Variants in METTL14 observed in about 807,000 individuals in gnomAD.
METTL14 encodes N(6)-adenosine-methyltransferase non-catalytic subunit METTL14.
METTL14 carries 32 observed loss-of-function variants against 62.4 expected under a neutral mutation model. The observed-to-expected ratio is 0.51, with a 90% CI of 0.39 to 0.69. The LOEUF is 0.69. Among genes scored for constraint, METTL14 ranks in the 30% least tolerant of loss-of-function variants. The pLI, the probability that METTL14 is intolerant of heterozygous loss-of-function variation, is 0.00. For synonymous variants in METTL14, 150 were observed against 180.0 expected (o/e 0.83, Z 1.34); for missense variants, 340 against 551.9 (o/e 0.62, Z 3.85).
chr4:118,689,290 A>G (rs1724169901), intron 2 of METTL14, 80 bp from the exon 3 acceptor site: 3 of 702,094 alleles, frequency 4.3e-6, no homozygotes, highest in Non-Finnish European at 4.5e-6. Context: ...TTCTGTTTTT[A>G]TAACCTGTTT....
intron 6 of METTL14, among the ~76,000 whole-genome samples, chr4:118,696,463 T>C (rs1360747289): frequency 6.6e-6 from 1 of 152,036 alleles, no homozygotes; most frequent in Non-Finnish European, 1.5e-5. Flanking sequence ...GCCCAGGAGT[T>C]TGAGATTGTA....
intron 7 of METTL14, 45 bp from the exon 8 acceptor site, chr4:118,700,504 TG>T: frequency 6.8e-7 from 1 of 1,465,530 alleles, no homozygotes; most frequent in South Asian, 1.1e-5. Flanking sequence ...TTAGGATGAA[TG>T]GGAAACAAAA....
In METTL14 at chr4:118,689,641, T is replaced by C. The variant is rs189276939; in HGVS notation, c.243+184T>C. 1.3e-4 allele frequency among the ~76,000 whole-genome samples: 19 copies of C among 147,976 alleles called. No homozygotes were observed. The East Asian group carries it at 3.8e-3, about 30-fold the overall frequency. On this transcript the variant is annotated intron_variant, in intron 3 of 10. Transcript: ENST00000388822. ...TATCAGTTTTCTTATCTTTTTCTTT[T>C]CTTTTCCTTTTTTTTTTTTTGTGAC... is the stretch of plus-strand genomic sequence containing the variant.
intron 10 of METTL14, among the ~76,000 whole-genome samples, chr4:118,706,514 T>C (rs1724759838): frequency 6.6e-6 from 1 of 152,222 alleles, no homozygotes; most frequent in Admixed American, 6.5e-5. Flanking sequence ...CTTCCAAGTT[T>C]TGGCAATTAT....
chr4:118,687,252 G>A (rs1724095606), intron 1 of METTL14, among the ~76,000 whole-genome samples: 1 of 152,146 alleles, frequency 6.6e-6, no homozygotes, highest in Non-Finnish European at 1.5e-5. Context: ...GGTTGAGCAT[G>A]CCAAATACCA....
At chr4:118,701,574 CTT>C (rs1253765190) in intron 8 of METTL14, among the ~76,000 whole-genome samples, 1 of 152,140 alleles carries the variant, frequency 6.6e-6, no homozygotes, top group African/African-American at 2.4e-5. Context: ...TATCAGGAGT[CTT>C]AATTTTGCTC....
At chr4:118,699,940 A>T (rs1449884406) in intron 7 of METTL14, among the ~76,000 whole-genome samples, 1 of 152,166 alleles carries the variant, frequency 6.6e-6, no homozygotes, top group Non-Finnish European at 1.5e-5. Context: ...TTTTCATGTT[A>T]GAGAGTCGGT....
intron 2 of METTL14, among the ~76,000 whole-genome samples, chr4:118,688,911 A>G (rs905059126): frequency 1.3e-5 from 2 of 152,028 alleles, no homozygotes; most frequent in Non-Finnish European, 2.9e-5. Flanking sequence ...TGACTTTTTG[A>G]TCCGCCTGCC....
intron 1 of METTL14, among the ~76,000 whole-genome samples, chr4:118,686,082 A>G (rs2110462727): frequency 6.6e-6 from 1 of 152,302 alleles, no homozygotes; most frequent in East Asian, 1.9e-4. Flanking sequence ...TCTGCATCTT[A>G]TATAGAGTAT....
rs1398539486 is a variant in METTL14, at chr4:118,711,181, T to C, written c.*879T>C. On this transcript the variant is annotated 3_prime_UTR_variant, in exon 11 of 11. Coordinates refer to ENST00000388822, the MANE Select transcript of METTL14 (RefSeq NM_020961.4). ...GAAATGACATACACCTTTAAACTTG[T>C]TATGGAGATAGTTTAATGTAAAACC... The C allele has an allele frequency of 6.6e-6, 1 of 152,190 alleles. No homozygotes were observed. Among genetic ancestry groups the C allele is most frequent in the Non-Finnish European group, 1.5e-5 (1 of 68,036 alleles). 9.4% of individuals were successfully genotyped at this position (152,190 alleles called of 1,614,324 possible). A position where few individuals can be genotyped will look rare whatever the true frequency, so the allele number is the denominator to read the frequency against.
rs1172576457 is a variant in METTL14, at chr4:118,687,944, A to C, written c.88A>C (p.Ser30Arg). Residue 30 changes from serine (S) to arginine (R), a missense_variant, in exon 2 of 11, where the codon AGC becomes CGC. Ser to Arg is a moderately radical substitution (Grantham distance 110). Transcript: ENST00000388822. Reference protein sequence around the residue: ...AQQLGAESADSIGAVLNSKDE... With the variant: ...AQQLGAESADRIGAVLNSKDE... Reference sequence around the variant, plus strand: ...TCAGTTGGGAGCTGAAAGTGCCGACAGCATTGGTGCCGTGTTAAATAGCAA... The same window carrying C: ...TCAGTTGGGAGCTGAAAGTGCCGACCGCATTGGTGCCGTGTTAAATAGCAA... The C allele has an allele frequency of 3.2e-5, 52 of 1,613,900 alleles. No homozygotes were observed. Among genetic ancestry groups the C allele is most frequent in the Non-Finnish European group, 4.4e-5 (52 of 1,179,998 alleles).
chr4:118,686,409 TCTA>T (rs1724061321), intron 1 of METTL14: 1 of 321,970 alleles, frequency 3.1e-6, no homozygotes, highest in Admixed American at 4.1e-5. Context: ...TATTTTCCAT[TCTA>T]CTATTCAGAT....
At position 118,714,847 on chromosome 4, in the gene METTL14, A is replaced by C. The variant is rs1344520028; in HGVS notation, c.*4545A>C. On this transcript the variant is annotated 3_prime_UTR_variant, in exon 11 of 11. Transcript: ENST00000388822. The stretch of plus-strand genomic sequence containing the variant: ...ACTGATCCACCCACCCTGGCCTCCC[A>C]AAGTGTCAGGATTACAGGCGTGAGC... 2 of 152,304 alleles carry C rather than the reference A, an allele frequency of 1.3e-5. No homozygotes were observed. Among genetic ancestry groups the C allele is most frequent in the African/African-American group, 4.8e-5 (2 of 41,474 alleles). The allele number at this position is 152,304 out of a possible 1,614,324, so 9.4% of individuals were successfully genotyped here.
At chr4:118,694,628 T>A (rs928258093) in intron 6 of METTL14, 102 bp downstream of exon 6, 36 of 824,754 alleles carry the variant, frequency 4.4e-5, no homozygotes, top group Non-Finnish European at 8.0e-6. Flanking sequence ...TCAGCACTTA[T>A]GTTAACATGC....
intron 10 of METTL14, 142 bp from the exon 11 acceptor site, chr4:118,709,856 G>T: frequency 1.3e-6 from 1 of 759,948 alleles, no homozygotes; most frequent in South Asian, 2.0e-5. Context: ...CCACAATTAA[G>T]TGCCATTCTG....
chr4:118,693,730 A>G (rs1416232001), intron 5 of METTL14, among the ~76,000 whole-genome samples: 1 of 152,142 alleles, frequency 6.6e-6, no homozygotes, highest in African/African-American at 2.4e-5. Flanking sequence ...ACTATTACAG[A>G]TTGAGGAAAA....
intron 8 of METTL14, among the ~76,000 whole-genome samples, chr4:118,701,958 T>G (rs1355260760): frequency 6.6e-6 from 1 of 152,186 alleles, no homozygotes; most frequent in Non-Finnish European, 1.5e-5. Context: ...TATCTCCATT[T>G]TTTTGGTGTT....
Position 118,695,844 on chromosome 4 carries a change from G to A in METTL14, c.503+1318G>A, listed in dbSNP as rs190481928. On this transcript the variant is annotated intron_variant, in intron 6 of 10. Transcript: ENST00000388822. ...AATGTATTTTGGGCCGGGTGCGGTG[G>A]CTCACACCTATAATCCCAGCACTTT... Among the ~76,000 whole-genome samples, 31 of 152,062 alleles carry A rather than the reference G, an allele frequency of 2.0e-4. No homozygotes were observed. In the East Asian group the frequency reaches 5.0e-3, roughly 25 times the overall value.
At position 118,691,427 on chromosome 4, in the gene METTL14, AT is replaced by A. The variant is rs1331658493; in HGVS notation, c.244-102del. ...TTTGATTTTAATGCTAATTTAAAAC[AT>A]TTATTAAATCTTAAGGAAATAAAAT... On this transcript the variant is annotated intron_variant, in intron 3 of 10. Transcript: ENST00000388822. 31 of 611,874 alleles carry A rather than the reference AT, an allele frequency of 5.1e-5. No individual in the cohort carries two copies. In the East Asian group the frequency reaches 9.8e-4, roughly 19 times the overall value. 37.9% of individuals were successfully genotyped at this position (611,874 alleles called of 1,614,324 possible).
Sources: allele counts gnomAD v4.1 joint callset (sites outside exome capture counted in the v4.1 genomes callset), GRCh38; gene constraint gnomAD v4.1.1; transcripts MANE v1.5; gene names NCBI Gene and HGNC (gene_info 2026-07-23, HGNC 2026-07-21).